The following FRY variants were observed in gnomAD, a reference collection of about 807,000 sequenced individuals.
FRY encodes FRY microtubule binding protein, also known as protein furry homolog.
Under a neutral mutation model 348.4 loss-of-function variants are expected in FRY, and 128 were observed. That is an observed-to-expected ratio of 0.37 (90% CI 0.32 to 0.43). The LOEUF is 0.43. Among genes scored for constraint, FRY ranks in the 20% least tolerant of loss-of-function variants. The probability of loss-of-function intolerance (pLI) is 1.00; values close to 1 mark genes in which losing one functional copy is unlikely to be tolerated. For missense variants in FRY, 2,736 were observed against 3,695.2 expected, an observed-to-expected ratio of 0.74 and a Z score of 6.73; for synonymous variants, 1,370 against 1,374.7, an observed-to-expected ratio of 1.00 and a Z score of 0.08.
At chr13:32,184,556 T>G in intron 24 of FRY, 44 bp from the exon 25 acceptor site, 1 of 1,160,476 alleles carries the variant, frequency 8.6e-7, no homozygotes, top group East Asian at 2.4e-5. Flanking sequence ...AAGTTAATAT[T>G]GTTTTGCCTG....
At chr13:32,212,416 A>G in intron 35 of FRY, 34 bp downstream of exon 35, 1 of 1,191,380 alleles carries the variant, frequency 8.4e-7, no homozygotes. Flanking sequence ...TATCCAGTGT[A>G]ATGTTCTGCA....
rs539907440 is a variant in FRY at position 32,136,664 on chromosome 13, T to A, written c.1078-207T>A. On this transcript the variant is annotated intron_variant, in intron 10 of 60. Transcript: ENST00000542859. ...ATTACACGCTATCCATAATTCTTGG[T>A]TATTCCATCCCCAGCATTATCAGAA... is the stretch of plus-strand genomic sequence containing the variant. 2.0e-5 allele frequency among the ~76,000 whole-genome samples: 3 copies of A among 152,380 alleles called. No individual in the cohort carries two copies. The South Asian group carries it at 6.2e-4, about 32-fold the overall frequency.
At chr13:32,194,044 C>G in intron 28 of FRY, 99 bp from the exon 29 acceptor site, 4 of 1,204,188 alleles carry the variant, frequency 3.3e-6, no homozygotes, top group Non-Finnish European at 4.9e-6. Flanking sequence ...TCTTCCCTTT[C>G]ATTTTACTCA....
chr13:32,108,790 A>C (rs190089560), intron 3 of FRY, among the ~76,000 whole-genome samples: 111 of 152,336 alleles, frequency 7.3e-4, no homozygotes, highest in African/African-American at 2.6e-3. Flanking sequence ...AGGCATTGAC[A>C]GGTATAGAGC....
chr13:32,202,419 C>A lies in FRY; in HGVS notation c.3910C>A (p.Leu1304Ile), dbSNP rs767730992. The A allele has an allele frequency of 6.2e-7, 1 of 1,614,012 alleles. No individual in the cohort carries two copies. The highest frequency in any genetic ancestry group is 1.1e-5 in the South Asian group (1 of 91,072). The change falls in exon 31 of 61, where the codon CTC becomes ATC. Residue 1304 changes from leucine (L) to isoleucine (I), a missense_variant. Leu to Ile is a conservative substitution (Grantham distance 5). Coordinates refer to ENST00000542859, the MANE Select transcript of FRY (RefSeq NM_023037.3). ...KVAEQRPGSI[L>I]YGTHGPLPPL... ...CGCTGAGCAAAGACCGGGAAGTATT[C>A]TCTATGGAACACACGGCCCGCTGCC...
At chr13:32,167,307 G>C (rs1881795889) in intron 17 of FRY, among the ~76,000 whole-genome samples, 1 of 152,192 alleles carries the variant, frequency 6.6e-6, no homozygotes, top group African/African-American at 2.4e-5. Flanking sequence ...CCAAGATCAA[G>C]GTGTCAGCAG....
chr13:32,179,542 T>TGTGTGTGTGTGTGTGTGTGTGTG, intron 22 of FRY, 133 bp from the exon 23 acceptor site: 1 of 737,642 alleles, frequency 1.4e-6, no homozygotes, highest in South Asian at 1.5e-5. Context: ...TGTGTGTGTG[T>TGTGTGTGTGTGTGTGTGTGTGTG]TTCCTGAAAT....
intron 3 of FRY, among the ~76,000 whole-genome samples, chr13:32,108,460 A>G (rs2138659676): frequency 6.6e-6 from 1 of 152,352 alleles, no homozygotes; most frequent in Non-Finnish European, 1.5e-5. Flanking sequence ...TAGTTGATGC[A>G]GAAGGCATGT....
chr13:32,085,730 C>G lies in FRY; in HGVS notation c.270+6697C>G, dbSNP rs559275683. 7 of 373,150 alleles carry G rather than the reference C, an allele frequency of 1.9e-5. No individual in the cohort carries two copies. In the East Asian group the frequency reaches 4.7e-4, roughly 25 times the overall value. 23.1% of individuals were successfully genotyped at this position (373,150 alleles called of 1,614,324 possible). A position where few individuals can be genotyped will look rare whatever the true frequency, so the allele number is the denominator to read the frequency against. ...CTGGTATATTTCCTCAGAAGTCAGC[C>G]TGGTGCTTCCTCTCTTTGTGTTCAC... is the stretch of plus-strand genomic sequence containing the variant. On this transcript the variant is annotated intron_variant, in intron 2 of 60. Coordinates refer to ENST00000542859, the MANE Select transcript of FRY (RefSeq NM_023037.3).
At chr13:32,100,646 C>T (rs1044416355) in intron 2 of FRY, among the ~76,000 whole-genome samples, 1 of 152,138 alleles carries the variant, frequency 6.6e-6, no homozygotes, top group Admixed American at 6.6e-5. Flanking sequence ...ACTTTCTCAG[C>T]AGTTTTCAAG....
chr13:32,130,488 GTA>G (rs1491087644), intron 7 of FRY, among the ~76,000 whole-genome samples: 4 of 151,018 alleles, frequency 2.6e-5, no homozygotes, highest in African/African-American at 9.8e-5. Context: ...GTGTGTGTGT[GTA>G]TTTTTTGGTG....
intron 23 of FRY, among the ~76,000 whole-genome samples, chr13:32,180,712 A>G (rs75177160): frequency 0.014 from 2,098 of 152,342 alleles, 24 homozygotes; most frequent in Non-Finnish European, 0.022. Context: ...ACTTTAGATA[A>G]GCAACAAAAC....
intron 36 of FRY, among the ~76,000 whole-genome samples, chr13:32,222,749 A>G (rs1885380566): frequency 6.6e-6 from 1 of 152,260 alleles, no homozygotes; most frequent in Non-Finnish European, 1.5e-5. Context: ...GGGATAAAAT[A>G]GATACCTATC....
rs2073995 is a variant in FRY at position 32,239,119 on chromosome 13, A to T, written c.6419-133A>T. ...GTGCATTTTTCATAGATTTTGTGTTAGATCATGTTTAAGCTGATTCAAAAA... is the reference window on the plus strand; with the variant it reads ...GTGCATTTTTCATAGATTTTGTGTTTGATCATGTTTAAGCTGATTCAAAAA... On this transcript the variant is annotated intron_variant, in intron 44 of 60. Coordinates refer to ENST00000542859, the MANE Select transcript of FRY (RefSeq NM_023037.3). The surrounding 1 kb of genome is among the most constrained non-coding windows in gnomAD (Gnocchi z 4.3). 1.1e-4 allele frequency: 76 copies of T among 706,078 alleles called. 1 individual carries two copies. The highest frequency in any genetic ancestry group is 1.0e-3 in the African/African-American group (58 of 57,096). 43.7% of individuals were successfully genotyped at this position (706,078 alleles called of 1,614,324 possible).
At chr13:32,101,517 T>C (rs575253291) in intron 2 of FRY, among the ~76,000 whole-genome samples, 1 of 152,360 alleles carries the variant, frequency 6.6e-6, no homozygotes, top group Admixed American at 6.5e-5. Flanking sequence ...ATGGTAGTTC[T>C]ATTTTTAATT....
intron 41 of FRY, among the ~76,000 whole-genome samples, chr13:32,231,893 T>C (rs557110966): frequency 1.9e-4 from 29 of 152,342 alleles, no homozygotes; most frequent in African/African-American, 6.7e-4. Flanking sequence ...TGTAAAACCA[T>C]CTCTACCTTT....
rs140696723 is a variant in FRY, at chr13:32,269,847, C to T, written c.8136+2488C>T. On this transcript the variant is annotated intron_variant, in intron 55 of 60. Coordinates refer to ENST00000542859, the MANE Select transcript of FRY (RefSeq NM_023037.3). ...GAACTCTGCTTTTGAGCCTGGAGGC[C>T]CTTCTTATAATCCATTTTTGGAGAA... Among the ~76,000 whole-genome samples the T allele has an allele frequency of 2.0e-5, 3 of 152,178 alleles. No individual in the cohort carries two copies. The East Asian group carries it at 5.8e-4, about 29-fold the overall frequency.
In FRY at chr13:32,209,566, G is replaced by A. The variant is rs369169249; in HGVS notation, c.4276-19G>A. ...ACAGTTTTCACACATCTCTTGGGCC[G>A]GTTTTTATTTTGTTATAGTATGGAG... On this transcript the variant is annotated intron_variant, in intron 32 of 60. Coordinates refer to ENST00000542859, the MANE Select transcript of FRY (RefSeq NM_023037.3). 3.7e-6 allele frequency: 6 copies of A among 1,613,432 alleles called. No homozygotes were observed. The highest frequency in any genetic ancestry group is 5.1e-6 in the Non-Finnish European group (6 of 1,179,506).
At chr13:32,099,648 C>T (rs1247814937) in intron 2 of FRY, among the ~76,000 whole-genome samples, 1 of 152,004 alleles carries the variant, frequency 6.6e-6, no homozygotes, top group African/African-American at 2.4e-5. Context: ...TCAAATCCTT[C>T]TACCAGATAT....
Sources: gnomAD v4.1 joint callset for allele counts (sites outside exome capture counted in the v4.1 genomes callset) on GRCh38, gnomAD v4.1.1 for gene constraint, Gnocchi (gnomAD v3.1) non-coding constraint, MANE v1.5 for transcripts, NCBI Gene and HGNC (gene_info 2026-07-23, HGNC 2026-07-21) for gene names.